The following GRM5 variants were observed in gnomAD, a reference collection of about 807,000 sequenced individuals.
GRM5 encodes the protein metabotropic glutamate receptor 5.
In GRM5, 19 loss-of-function variants were observed where a neutral mutation model predicts 83.1. The ratio of observed to expected loss-of-function variants is 0.23; its 90% CI spans 0.16 to 0.34. The LOEUF (loss-of-function observed/expected upper bound fraction) is 0.34, where lower values mean the gene tolerates loss of function less well. Ranked by LOEUF, GRM5 falls within the 10% of genes least tolerant of loss-of-function variation. GRM5 has a pLI of 1.00. For missense variants in GRM5, 1,160 were observed against 1,588.3 expected (o/e 0.73, Z 4.58); for synonymous variants, 675 against 633.6 (o/e 1.07, Z -0.98).
intron 4 of GRM5, among the ~76,000 whole-genome samples, chr11:88,648,652 A>G (rs953378249): frequency 2.4e-5 from 1 of 42,406 alleles, no homozygotes; most frequent in Admixed American, 1.8e-4. Context: ...TTAAAGTATA[A>G]TAAAAAAAAA....
chr11:88,860,968 T>C (rs564827533), intron 2 of GRM5, among the ~76,000 whole-genome samples: 34 of 152,228 alleles, frequency 2.2e-4, no homozygotes, highest in African/African-American at 7.9e-4. Flanking sequence ...AAAGACTTAA[T>C]ACAAAAGAAA....
intron 8 of GRM5, among the ~76,000 whole-genome samples, chr11:88,563,834 G>T (rs1942811741): frequency 6.6e-6 from 1 of 152,190 alleles, no homozygotes; most frequent in African/African-American, 2.4e-5. Context: ...TTTCATAAAA[G>T]TAATTATCAA....
chr11:88,858,125 TGGCATTATTGAATCTCATCCAA>T lies in GRM5; in HGVS notation c.662-7992_662-7971del, dbSNP rs571374811. Reference sequence around the variant, plus strand: ...ATACCACAGCATTAAGCATAAGGCATGGCATTATTGAATCTCATCCAAGGTGTTTATTATTGGAAGTACCAGA... The same window carrying T: ...ATACCACAGCATTAAGCATAAGGCATGGTGTTTATTATTGGAAGTACCAGA... On this transcript the variant is annotated intron_variant, in intron 2 of 9. Transcript: ENST00000305447. Among the ~76,000 whole-genome samples the T allele has an allele frequency of 3.9e-3, 575 of 147,232 alleles. 2 individuals are homozygous for T. Among genetic ancestry groups the T allele is most frequent in the African/African-American group, 0.014 (559 of 40,456 alleles).
intron 4 of GRM5, among the ~76,000 whole-genome samples, chr11:88,611,979 T>TA (rs1483390659): frequency 2.0e-5 from 3 of 151,802 alleles, no homozygotes; most frequent in African/African-American, 4.8e-5. Context: ...TATTTTTTTT[T>TA]ATTATACTTT....
rs368158129 is a variant in GRM5 at position 88,902,159 on chromosome 11, T to G, written c.662-52004A>C. ...AGGGCAGAGAAAAGTTTTTTTGTTT[T>G]TTTTTTGTTTGTTTGTTTTTTTAAT... On this transcript the variant is annotated intron_variant, in intron 2 of 9. Coordinates refer to ENST00000305447, the MANE Select transcript of GRM5 (RefSeq NM_001143831.3). Among the ~76,000 whole-genome samples, 65 of 152,178 alleles carry G rather than the reference T, an allele frequency of 4.3e-4. 1 individual carries two copies. The highest frequency in any genetic ancestry group is 1.5e-3 in the African/African-American group (64 of 41,528).
chr11:88,616,949 A>G (rs551383391), intron 4 of GRM5, among the ~76,000 whole-genome samples: 150 of 152,274 alleles, frequency 9.9e-4, no homozygotes, highest in South Asian at 8.3e-3. Flanking sequence ...TGTATCTAGC[A>G]TAGCACCTGA....
At chr11:89,049,910 T>C (rs1253143030) in intron 1 of GRM5, among the ~76,000 whole-genome samples, 1 of 152,204 alleles carries the variant, frequency 6.6e-6, no homozygotes, top group African/African-American at 2.4e-5. Context: ...CTCATGGTCA[T>C]GTGAATTCTG....
At position 88,753,820 on chromosome 11, in the gene GRM5, G is replaced by A. The variant is rs549174740; in HGVS notation, c.911+96086C>T. On this transcript the variant is annotated intron_variant, in intron 3 of 9. Coordinates refer to ENST00000305447, the MANE Select transcript of GRM5 (RefSeq NM_001143831.3). ...ACTGGCCTCACATTTCCACATGGCT[G>A]AGGAGGCCTCACAATTATGGCAGAA... is the stretch of plus-strand genomic sequence containing the variant. Among the ~76,000 whole-genome samples, 38 of 152,212 alleles carry A rather than the reference G, an allele frequency of 2.5e-4. No individual in the cohort carries two copies. The South Asian group carries it at 7.7e-3, about 31-fold the overall frequency.
intron 3 of GRM5, among the ~76,000 whole-genome samples, chr11:88,690,843 A>C (rs1024471034): frequency 1.3e-5 from 2 of 152,214 alleles, no homozygotes; most frequent in African/African-American, 4.8e-5. Context: ...AAATTCTATA[A>C]TTGTGGAATC....
chr11:88,809,319 C>T (rs1943550680), intron 3 of GRM5, among the ~76,000 whole-genome samples: 1 of 152,032 alleles, frequency 6.6e-6, no homozygotes, highest in Non-Finnish European at 1.5e-5. Flanking sequence ...TTCTAATAAG[C>T]TCTTAACTGT....
intron 5 of GRM5, among the ~76,000 whole-genome samples, chr11:88,599,945 G>A (rs373600149): frequency 6.6e-6 from 1 of 152,228 alleles, no homozygotes; most frequent in East Asian, 1.9e-4. Flanking sequence ...CCCGGGAGAC[G>A]GAGCTTGCAG....
At chr11:88,709,339 G>C (rs1010617056) in intron 3 of GRM5, among the ~76,000 whole-genome samples, 1 of 152,032 alleles carries the variant, frequency 6.6e-6, no homozygotes, top group Non-Finnish European at 1.5e-5. Flanking sequence ...TAAAAGGTGA[G>C]TTATAGGTCA....
At chr11:88,727,862 T>G (rs754670744) in intron 3 of GRM5, among the ~76,000 whole-genome samples, 11 of 152,120 alleles carry the variant, frequency 7.2e-5, no homozygotes, top group Non-Finnish European at 1.5e-4. Flanking sequence ...TACCAGAATC[T>G]CTGGGACACA....
chr11:88,562,953 TA>T (rs2135164564), intron 8 of GRM5, among the ~76,000 whole-genome samples: 1 of 152,258 alleles, frequency 6.6e-6, no homozygotes, highest in South Asian at 2.1e-4. Context: ...CAACCATTAG[TA>T]AAAGGCCTAG....
At chr11:88,887,093 G>A (rs1945057250) in intron 2 of GRM5, among the ~76,000 whole-genome samples, 1 of 152,078 alleles carries the variant, frequency 6.6e-6, no homozygotes, top group African/African-American at 2.4e-5. Flanking sequence ...CCCTCTACTA[G>A]ACACCATGCT....
chr11:89,029,721 C>T (rs1364195283), intron 2 of GRM5, among the ~76,000 whole-genome samples: 1 of 152,082 alleles, frequency 6.6e-6, no homozygotes, highest in Non-Finnish European at 1.5e-5. Context: ...AGGATGAGGC[C>T]TACTGAAACT....
At chr11:88,896,564 G>A (rs906577542) in intron 2 of GRM5, among the ~76,000 whole-genome samples, 4 of 151,764 alleles carry the variant, frequency 2.6e-5, no homozygotes, top group Non-Finnish European at 5.9e-5. Flanking sequence ...CACAATTATG[G>A]AAGCAAAAAA....
At chr11:88,800,095 T>A (rs1433570407) in intron 3 of GRM5, among the ~76,000 whole-genome samples, 1 of 151,952 alleles carries the variant, frequency 6.6e-6, no homozygotes, top group Non-Finnish European at 1.5e-5. Context: ...AAGTAAAAAA[T>A]AAATAAATAA....
intron 2 of GRM5, among the ~76,000 whole-genome samples, chr11:88,890,663 T>C (rs1242752727): frequency 1.3e-5 from 2 of 152,118 alleles, no homozygotes; most frequent in African/African-American, 4.8e-5. Context: ...GTTTGCTAAA[T>C]GTTCAAAGGT....
Sources: gnomAD v4.1 joint callset for allele counts (sites outside exome capture counted in the v4.1 genomes callset) on GRCh38, gnomAD v4.1.1 for gene constraint, MANE v1.5 for transcripts, NCBI Gene and HGNC (gene_info 2026-07-23, HGNC 2026-07-21) for gene names.